IGDCC3: variants seen among roughly 807,000 people sequenced by gnomAD.
The protein encoded by IGDCC3 is putative neuronal cell adhesion molecule.
In IGDCC3, 47 loss-of-function variants were observed where a neutral mutation model predicts 72.0. The ratio of observed to expected loss-of-function variants is 0.65; its 90% CI spans 0.52 to 0.83. The LOEUF is 0.83. Among genes scored for constraint, IGDCC3 ranks in the 40% least tolerant of loss-of-function variants. The pLI is 0.00. For missense variants in IGDCC3, 1,038 were observed against 1,091.3 expected (o/e 0.95, Z 0.69); for synonymous variants, 477 against 472.8 (o/e 1.01, Z -0.11).
chr15:65,337,182 C>T (rs1400304740), intron 2 of IGDCC3, among the ~76,000 whole-genome samples: 2 of 152,226 alleles, frequency 1.3e-5, no homozygotes, highest in African/African-American at 4.8e-5. Context: ...TTGTGCCCTT[C>T]CACCCAGAGT....
At position 65,377,699 on chromosome 15, in the gene IGDCC3, G is replaced by C. The variant is rs1445456934; in HGVS notation, c.90C>G (p.Pro30=). 2.1e-6 allele frequency: 3 copies of C among 1,417,438 alleles called. No homozygotes were observed. Among genetic ancestry groups the C allele is most frequent in the Admixed American group, 5.5e-5 (2 of 36,458 alleles). 87.8% of individuals were successfully genotyped at this position (1,417,438 alleles called of 1,614,324 possible). A position where few individuals can be genotyped will look rare whatever the true frequency, so the allele number is the denominator to read the frequency against. Residue 30 remains proline (P), a synonymous_variant, in exon 1 of 14, where the codon CCC becomes CCG. Transcript: ENST00000327987. The surrounding 1 kb of genome is among the most constrained non-coding windows in gnomAD (Gnocchi z 4.9). ...GCTTTCACTCACCCTCGCTCGGCGC[G>C]GGCAGCAGCAGCAACAGCAGCGGCA... The part of the protein sequence containing the change: ...LLLPLLLLLL[P]APSEGLGHSA...
chr15:65,369,944 A>G (rs915616839), intron 2 of IGDCC3, among the ~76,000 whole-genome samples: 6 of 152,028 alleles, frequency 3.9e-5, no homozygotes, highest in African/African-American at 1.4e-4. Flanking sequence ...CTGAAAAGGG[A>G]CTCTAGAATA....
At chr15:65,357,308 A>G (rs999457739) in intron 2 of IGDCC3, among the ~76,000 whole-genome samples, 8 of 152,236 alleles carry the variant, frequency 5.3e-5, no homozygotes, top group South Asian at 4.1e-4. Flanking sequence ...TGATTAATCA[A>G]TTCTTTATCT....
intron 2 of IGDCC3, among the ~76,000 whole-genome samples, chr15:65,370,488 T>C (rs1355407370): frequency 1.4e-5 from 2 of 143,306 alleles, no homozygotes; most frequent in South Asian, 2.2e-4. Flanking sequence ...CACTGGGTGA[T>C]AGAGCGAGAC....
intron 2 of IGDCC3, chr15:65,355,624 C>A: frequency 6.2e-6 from 2 of 321,012 alleles, no homozygotes; most frequent in Non-Finnish European, 1.3e-5. Flanking sequence ...AGCTGCGCCC[C>A]GGCCCGCGGC....
rs189587092 is a variant in IGDCC3, at chr15:65,336,890, G to A, written c.410-934C>T. On this transcript the variant is annotated intron_variant, in intron 2 of 13. Coordinates refer to ENST00000327987, the MANE Select transcript of IGDCC3 (RefSeq NM_004884.4). ...TTCCCAGCTTCAGCACCAGGGCTGC[G>A]ATTTCATTAAAATCCACTTTGCTTC... Among the ~76,000 whole-genome samples the A allele has an allele frequency of 3.7e-3, 570 of 152,190 alleles. 14 individuals are homozygous for A. The South Asian group carries it at 0.072, about 19-fold the overall frequency.
chr15:65,332,459 G>A (rs900460909), intron 6 of IGDCC3, among the ~76,000 whole-genome samples: 5 of 152,168 alleles, frequency 3.3e-5, no homozygotes, highest in Admixed American at 2.6e-4. Flanking sequence ...TCCAGAAAGC[G>A]GTAATGATGG....
chr15:65,363,496 C>T (rs2091273247), intron 2 of IGDCC3, among the ~76,000 whole-genome samples: 1 of 152,212 alleles, frequency 6.6e-6, no homozygotes, highest in Admixed American at 6.5e-5. Flanking sequence ...AATGCTTGCC[C>T]AGCCCCAGAG....
chr15:65,359,903 C>T (rs1253918408), intron 2 of IGDCC3, among the ~76,000 whole-genome samples: 1 of 152,080 alleles, frequency 6.6e-6, no homozygotes, highest in African/African-American at 2.4e-5. Context: ...ATCTGCCCTC[C>T]CCCAATCCCA....
At position 65,377,447 on chromosome 15, in the gene IGDCC3, C is replaced by T. The variant is rs1595768921; in HGVS notation, c.103+239G>A. Among the ~76,000 whole-genome samples the T allele has an allele frequency of 6.6e-6, 1 of 152,196 alleles. No individual in the cohort carries two copies. The highest frequency in any genetic ancestry group is 6.5e-5 in the Admixed American group (1 of 15,284). On this transcript the variant is annotated intron_variant, in intron 1 of 13. Coordinates refer to ENST00000327987, the MANE Select transcript of IGDCC3 (RefSeq NM_004884.4). This position sits in a 1 kb window ranked among gnomAD's most constrained non-coding sequence, Gnocchi z 4.9. ...TGCACTCCTTGCTCCTCAGTCTGGG[C>T]TCCGGGTCCTGCCCCAGTCTTCCTC... is the stretch of plus-strand genomic sequence containing the variant.
At chr15:65,332,374 C>G (rs11637113) in intron 6 of IGDCC3, among the ~76,000 whole-genome samples, 1 of 152,034 alleles carries the variant, frequency 6.6e-6, no homozygotes, top group East Asian at 1.9e-4. Flanking sequence ...CATTTGTATC[C>G]GAAAGCAATC....
intron 2 of IGDCC3, among the ~76,000 whole-genome samples, chr15:65,372,616 G>A (rs1443960487): frequency 6.6e-6 from 1 of 152,122 alleles, no homozygotes; most frequent in Non-Finnish European, 1.5e-5. Context: ...GGGTTAGTCT[G>A]CTGGGTGAAC....
In IGDCC3 at chr15:65,377,734, G is replaced by A; in HGVS notation, c.55C>T (p.Arg19Trp). 2.2e-6 allele frequency: 3 copies of A among 1,356,788 alleles called. No individual in the cohort carries two copies. The highest frequency in any genetic ancestry group is 2.8e-6 in the Non-Finnish European group (3 of 1,058,804). 84.0% of individuals were successfully genotyped at this position (1,356,788 alleles called of 1,614,324 possible). A position where few individuals can be genotyped will look rare whatever the true frequency, so the allele number is the denominator to read the frequency against. Residue 19 changes from arginine to tryptophan, a missense_variant, in exon 1 of 14, where the codon CGG (arginine) becomes TGG (tryptophan). By Grantham distance (101) the Arg-to-Trp change is moderately radical. Transcript: ENST00000327987. This position sits in a 1 kb window ranked among gnomAD's most constrained non-coding sequence, Gnocchi z 4.9. The part of the protein sequence containing the change: ...PRRPPAPLWP[R>W]LLLPLLLLLL... ...AGCAACAGCAGCGGCAGCAGGAGCC[G>A]GGGCCAGAGCGGGGCGGGCGGGCGG... is the stretch of plus-strand genomic sequence containing the variant.
At chr15:65,331,805 T>C in intron 7 of IGDCC3, 136 bp downstream of exon 7, 2 of 1,373,982 alleles carry the variant, frequency 1.5e-6, no homozygotes, top group East Asian at 2.3e-5. Flanking sequence ...GAACTGGGAC[T>C]CCACCTCAAT....
At chr15:65,360,186 T>C (rs1442796) in intron 2 of IGDCC3, among the ~76,000 whole-genome samples, 72,871 of 152,108 alleles carry the variant, frequency 0.48, 18,147 homozygotes, top group African/African-American at 0.62. Flanking sequence ...ATGGATCCTT[T>C]TCAAACTGAT....
intron 2 of IGDCC3, among the ~76,000 whole-genome samples, chr15:65,359,859 T>C (rs950791334): frequency 9.9e-5 from 15 of 152,170 alleles, no homozygotes; most frequent in African/African-American, 3.6e-4. Flanking sequence ...AATGCTCCTA[T>C]AGGCCTTTCA....
At position 65,334,879 on chromosome 15, in the gene IGDCC3, G is replaced by T. The variant is rs768698707; in HGVS notation, c.686-14C>A. ...CAGAGCCCGAGCCTGGGAGGAAGAC[G>T]CCACATATCCTCACTTCAGCTGGGG... On this transcript the variant is annotated splice_polypyrimidine_tract_variant and intron_variant, in intron 4 of 13. Coordinates refer to ENST00000327987, the MANE Select transcript of IGDCC3 (RefSeq NM_004884.4). The T allele has an allele frequency of 6.2e-7, 1 of 1,607,734 alleles. No individual in the cohort carries two copies. Among genetic ancestry groups the T allele is most frequent in the Admixed American group, 1.7e-5 (1 of 59,136 alleles).
chr15:65,359,263 A>C (rs938491647), intron 2 of IGDCC3, among the ~76,000 whole-genome samples: 2 of 152,110 alleles, frequency 1.3e-5, no homozygotes, highest in African/African-American at 4.8e-5. Context: ...CCCCATTTCC[A>C]CAGCAACTTG....
At chr15:65,362,546 A>ACCC (rs2091267915) in intron 2 of IGDCC3, among the ~76,000 whole-genome samples, 2 of 98,968 alleles carry the variant, frequency 2.0e-5, no homozygotes, top group Non-Finnish European at 4.0e-5. Flanking sequence ...AGGTGCCCCC[A>ACCC]CTGGCAAGGG....
Sources: gnomAD v4.1 joint callset for allele counts (sites outside exome capture counted in the v4.1 genomes callset) on GRCh38, gnomAD v4.1.1 for gene constraint, Gnocchi (gnomAD v3.1) non-coding constraint, MANE v1.5 for transcripts, NCBI Gene and HGNC (gene_info 2026-07-23, HGNC 2026-07-21) for gene names.